Variants in ARHGEF2 observed in about 807,000 individuals in gnomAD.
ARHGEF2 encodes the protein Rho/Rac guanine nucleotide exchange factor 2, also known as rho guanine nucleotide exchange factor 2.
ARHGEF2 carries 22 observed loss-of-function variants against 121.0 expected under a neutral mutation model. That is an observed-to-expected ratio of 0.18 (90% CI 0.13 to 0.26). The LOEUF (loss-of-function observed/expected upper bound fraction) is 0.26, where lower values mean the gene tolerates loss of function less well. Ranked by LOEUF, ARHGEF2 falls within the 10% of genes least tolerant of loss-of-function variation. ARHGEF2 has a pLI of 1.00. For synonymous variants in ARHGEF2, 487 were observed against 530.0 expected (o/e 0.92, Z 1.11); for missense variants, 907 against 1,336.0 (o/e 0.68, Z 5.01).
rs71576039 is a variant in ARHGEF2 at position 155,964,144 on chromosome 1, CAAAAAAAA to C, written c.724+836_724+843del. The stretch of plus-strand genomic sequence containing the variant: ...TGGGCGACAGAGCAAGACTCTGCTT[CAAAAAAAA>C]AAAAAAAAAAAAAAAATATATATAT... On this transcript the variant is annotated intron_variant, in intron 7 of 21. Transcript: ENST00000361247. Among the ~76,000 whole-genome samples, 396 of 55,644 alleles carry C rather than the reference CAAAAAAAA, an allele frequency of 7.1e-3. 23 individuals carry two copies. In the East Asian group the frequency reaches 0.19, roughly 26 times the overall value. The allele number at this position is 55,644 out of a possible 152,430, so 36.5% of individuals were successfully genotyped here.
In ARHGEF2 at chr1:155,948,014, G is replaced by T. The variant is rs775775307; in HGVS notation, c.2889C>A (p.Asp963Glu). Residue 963 changes from aspartate to glutamate, a missense_variant and splice_region_variant, in exon 22 of 22, where the codon GAC becomes GAA. Asp to Glu is a conservative substitution (Grantham distance 45). Transcript: ENST00000361247. ...CCGGGATGTCCTGCATTCTGGTAAA[G>T]TCTGAAGGGGGACAGGACAAAGCCA... Reference protein sequence around the residue: ...SRLSPPHSPRDFTRMQDIPEE... With the variant: ...SRLSPPHSPREFTRMQDIPEE... 4.4e-5 allele frequency: 68 copies of T among 1,551,168 alleles called. No homozygotes were observed. In the Middle Eastern group the frequency reaches 5.0e-4, roughly 11 times the overall value.
chr1:155,961,260 A>T lies in ARHGEF2; in HGVS notation c.1468+401T>A, dbSNP rs905354283. On this transcript the variant is annotated intron_variant, in intron 11 of 21. Transcript: ENST00000361247. This position sits in a 1 kb window ranked among gnomAD's most constrained non-coding sequence, Gnocchi z 4.7. Reference sequence around the variant, plus strand: ...GTCTCACTGTTGTATGGGCTGCATAAAGGGAGGTTGATTCTTTTTTTTTTT... The same window carrying T: ...GTCTCACTGTTGTATGGGCTGCATATAGGGAGGTTGATTCTTTTTTTTTTT... Among the ~76,000 whole-genome samples the T allele has an allele frequency of 1.3e-5, 2 of 151,692 alleles. No homozygotes were observed. The highest frequency in any genetic ancestry group is 2.9e-5 in the Non-Finnish European group (2 of 67,930).
At chr1:155,976,796 G>A (rs1394185483) in intron 1 of ARHGEF2, among the ~76,000 whole-genome samples, 10 of 151,868 alleles carry the variant, frequency 6.6e-5, no homozygotes. Flanking sequence ...GGCCTGGGCT[G>A]GCGCAGGCTG....
chr1:155,974,778 A>G (rs1172486772), intron 1 of ARHGEF2, among the ~76,000 whole-genome samples: 1 of 152,124 alleles, frequency 6.6e-6, no homozygotes, highest in African/African-American at 2.4e-5. Context: ...CTGAGACCCA[A>G]GCATCCTGGA....
chr1:155,972,860 C>T (rs566420098), intron 1 of ARHGEF2, among the ~76,000 whole-genome samples: 1 of 151,930 alleles, frequency 6.6e-6, no homozygotes, highest in Admixed American at 6.6e-5. Context: ...CATCATGATG[C>T]TCACCTAATT....
At position 155,952,807 on chromosome 1, in the gene ARHGEF2, C is replaced by T. The variant is rs773096672; in HGVS notation, c.1805G>A (p.Arg602Gln). ...CTCTCGCAGCAGCTCCACCAGTGCC[C>T]GGTCCTTCTGCTGCAACTCCACTGC... ...RIKMELQQKD[R>Q]ALVELLREKV... is the part of the protein sequence containing the mutation. Residue 602 changes from arginine (R) to glutamine (Q), a missense_variant, in exon 15 of 22, where the codon CGG becomes CAG. By Grantham distance (43) the Arg-to-Gln change is conservative. This residue lies in a region of ARHGEF2 where 432 missense variants were observed against 559.5 expected (regional missense o/e 0.77). Coordinates refer to ENST00000361247, the MANE Select transcript of ARHGEF2 (RefSeq NM_001162383.2). The T allele has an allele frequency of 1.2e-5, 20 of 1,614,036 alleles. No individual in the cohort carries two copies. The highest frequency in any genetic ancestry group is 2.7e-5 in the African/African-American group (2 of 74,908).
At chr1:155,949,792 G>A (rs1164782684) in intron 21 of ARHGEF2, among the ~76,000 whole-genome samples, 1 of 151,690 alleles carries the variant, frequency 6.6e-6, no homozygotes, top group East Asian at 1.9e-4. Context: ...CAGGAGAATC[G>A]CTTGAACCTG....
At position 155,951,028 on chromosome 1, in the gene ARHGEF2, A is replaced by G; in HGVS notation, c.2504T>C (p.Leu835Pro). 6.2e-7 allele frequency: 1 copy of G among 1,604,750 alleles called. No individual in the cohort carries two copies. Among genetic ancestry groups the G allele is most frequent in the Non-Finnish European group, 8.5e-7 (1 of 1,177,238 alleles). The change falls in exon 20 of 22, where the codon CTG becomes CCG. Residue 835 changes from leucine (L) to proline (P), a missense_variant. This residue lies in a region of ARHGEF2 where 432 missense variants were observed against 559.5 expected (regional missense o/e 0.77). Transcript: ENST00000361247. The surrounding 1 kb of genome is among the most constrained non-coding windows in gnomAD (Gnocchi z 5.1). ...GEERATEAGS[L>P]EARLRESEQA... ...CTCACTCTCCCGGAGCCGGGCCTCC[A>G]GGCTGCCAGCTTCGGTTGCCCGTTC...
At chr1:155,978,557 G>A (rs1366227265), upstream of ARHGEF2, 4 of 1,266,302 alleles carry the variant, frequency 3.2e-6, no homozygotes, top group South Asian at 2.6e-5. The surrounding 1 kb of genome is among the most constrained non-coding windows in gnomAD (Gnocchi z 4.1). Flanking sequence ...CCCCTCGCCC[G>A]GCACCCAGCA....
intron 13 of ARHGEF2, among the ~76,000 whole-genome samples, chr1:155,956,065 C>T (rs1032415613): frequency 6.6e-6 from 1 of 151,950 alleles, no homozygotes; most frequent in African/African-American, 2.4e-5. Context: ...GTCAACAGGA[C>T]AGGTTATTTT....
At position 155,950,845 on chromosome 1, in the gene ARHGEF2, C is replaced by T; in HGVS notation, c.2687G>A (p.Ser896Asn). 1.3e-6 allele frequency: 2 copies of T among 1,528,670 alleles called. No individual in the cohort carries two copies. Among genetic ancestry groups the T allele is most frequent in the South Asian group, 1.3e-5 (1 of 77,064 alleles). The allele number at this position is 1,528,670 out of a possible 1,614,324, so 94.7% of individuals were successfully genotyped here. The stretch of plus-strand genomic sequence containing the variant: ...CCACCTTACCTGTGGGGGGTTGAAA[C>T]TCAAGTACAGGGCATCGCCTGCGGG... The part of the protein sequence containing the change: ...SLPAGDALYL[S>N]FNPPQPSRGT... The change falls in exon 20 of 22, where the codon AGT becomes AAT. Residue 896 changes from serine (S) to asparagine (N), a missense_variant. Physicochemically the swap from Ser to Asn is conservative, Grantham distance 46. Coordinates refer to ENST00000361247, the MANE Select transcript of ARHGEF2 (RefSeq NM_001162383.2). The surrounding 1 kb of genome is among the most constrained non-coding windows in gnomAD (Gnocchi z 5.2).
intron 21 of ARHGEF2, among the ~76,000 whole-genome samples, chr1:155,948,949 T>A (rs1485424216): frequency 6.6e-6 from 1 of 152,076 alleles, no homozygotes; most frequent in East Asian, 1.9e-4. Flanking sequence ...ACCTGGCTAA[T>A]TAAAAAAATT....
rs141465288 is a variant in ARHGEF2, at chr1:155,950,439, C to A, written c.2747G>T (p.Arg916Leu). 1.2e-6 allele frequency: 2 copies of A among 1,613,974 alleles called. No homozygotes were observed. Among genetic ancestry groups the A allele is most frequent in the Non-Finnish European group, 1.7e-6 (2 of 1,180,032 alleles). ...TDRLDLPVTT[R>L]SVHRNFEDRE... ...GTCCTCAAAGTTTCGATGGACAGAGCGAGTAGTGACAGGTAGATCCAGGCG... is the reference window on the plus strand; with the variant it reads ...GTCCTCAAAGTTTCGATGGACAGAGAGAGTAGTGACAGGTAGATCCAGGCG... Residue 916 changes from arginine (R) to leucine (L), a missense_variant, in exon 21 of 22, where the codon CGC (arginine) becomes CTC (leucine). Physicochemically the swap from Arg to Leu is moderately radical, Grantham distance 102. Coordinates refer to ENST00000361247, the MANE Select transcript of ARHGEF2 (RefSeq NM_001162383.2). This position sits in a 1 kb window ranked among gnomAD's most constrained non-coding sequence, Gnocchi z 5.2.
At position 155,953,753 on chromosome 1, in the gene ARHGEF2, A is replaced by G. The variant is rs576044507; in HGVS notation, c.1784-925T>C. 5.3e-5 allele frequency among the ~76,000 whole-genome samples: 8 copies of G among 151,634 alleles called. No individual in the cohort carries two copies. The East Asian group carries it at 1.4e-3, about 26-fold the overall frequency. ...CAGAGCAAGACCCTGTCTCAAAAAA[A>G]AAAAAAAAAAAAAGAAAGAAAGAAA... On this transcript the variant is annotated intron_variant, in intron 14 of 21. Transcript: ENST00000361247.
At chr1:155,959,086 T>C (rs1190845924) in intron 11 of ARHGEF2, among the ~76,000 whole-genome samples, 1 of 152,184 alleles carries the variant, frequency 6.6e-6, no homozygotes, top group Non-Finnish European at 1.5e-5. Context: ...CAGGCTTCAG[T>C]GGCTCTGTAA....
intron 1 of ARHGEF2, chr1:155,971,014 C>T: frequency 1.0e-6 from 1 of 986,396 alleles, no homozygotes; most frequent in African/African-American, 1.7e-5. Context: ...CTAGGCTCCT[C>T]CCGCTCTGCC....
chr1:155,978,522 G>C lies in ARHGEF2; in HGVS notation c.-95C>G. 1 of 1,297,268 alleles carries C rather than the reference G, an allele frequency of 7.7e-7. No individual in the cohort carries two copies. The allele number at this position is 1,297,268 out of a possible 1,614,324, so 80.4% of individuals were successfully genotyped here. A position where few individuals can be genotyped will look rare whatever the true frequency, so the allele number is the denominator to read the frequency against. ...GGGAGGGGTTCGGCCCGCACGCGTT[G>C]GTCTCGGGGACAGGAAGTCTGACTC... On this transcript the variant is annotated 5_prime_UTR_variant, in exon 1 of 22. Transcript: ENST00000361247. The surrounding 1 kb of genome is among the most constrained non-coding windows in gnomAD (Gnocchi z 4.1).
At chr1:155,964,174 A>ATATGTG (rs1310252718) in intron 7 of ARHGEF2, among the ~76,000 whole-genome samples, 7 of 78,710 alleles carry the variant, frequency 8.9e-5, no homozygotes, top group East Asian at 3.8e-4. Context: ...AAAAATATAT[A>ATATGTG]TATATATATA....
At chr1:155,972,155 G>C (rs2102688203) in intron 1 of ARHGEF2, 1 of 401,590 alleles carries the variant, frequency 2.5e-6, no homozygotes, top group South Asian at 1.7e-5. Context: ...GGGGCAGCCA[G>C]AGAACAGGGT....
Sources: gnomAD v4.1 joint callset for allele counts (sites outside exome capture counted in the v4.1 genomes callset) on GRCh38, gnomAD v4.1.1 for gene constraint, gnomAD v4.1.1 regional missense constraint, Gnocchi (gnomAD v3.1) non-coding constraint, MANE v1.5 for transcripts, NCBI Gene and HGNC (gene_info 2026-07-23, HGNC 2026-07-21) for gene names.